Variants in KIAA1549L observed in about 807,000 individuals in gnomAD.
KIAA1549L encodes the protein KIAA1549 like, also known as UPF0606 protein KIAA1549L.
KIAA1549L carries 88 observed loss-of-function variants against 160.7 expected under a neutral mutation model. That is an observed-to-expected ratio of 0.55 (90% CI 0.46 to 0.65). KIAA1549L has a LOEUF of 0.65. Among genes scored for constraint, KIAA1549L ranks in the 30% least tolerant of loss-of-function variants. The pLI is 0.00. For synonymous variants in KIAA1549L, 950 were observed against 976.7 expected, an observed-to-expected ratio of 0.97 and a Z score of 0.51; for missense variants, 2,258 against 2,437.5, an observed-to-expected ratio of 0.93 and a Z score of 1.55.
At position 33,671,135 on chromosome 11, in the gene KIAA1549L, A is replaced by ATGAG. The variant is rs1293990878; in HGVS notation, c.*2983_*2986dup. The ATGAG allele has an allele frequency of 4.6e-5, 7 of 152,242 alleles. No individual in the cohort carries two copies. Among genetic ancestry groups the ATGAG allele is most frequent in the African/African-American group, 1.7e-4 (7 of 41,464 alleles). The allele number at this position is 152,242 out of a possible 1,614,324, so 9.4% of individuals were successfully genotyped here. On this transcript the variant is annotated 3_prime_UTR_variant, in exon 21 of 21. Transcript: ENST00000658780. ...AATAGTTTTCAGTGCTGGTTTTGAT[A>ATGAG]TGAGTTTTCTGCATTCATGAAAAAG... is the stretch of plus-strand genomic sequence containing the variant.
chr11:33,552,044 T>A (rs1854479203), intron 5 of KIAA1549L, 64 bp from the exon 6 acceptor site: 2 of 1,581,154 alleles, frequency 1.3e-6, no homozygotes, highest in Non-Finnish European at 1.7e-6. Flanking sequence ...TTATGACCAC[T>A]GTTAAATCCA....
intron 6 of KIAA1549L, among the ~76,000 whole-genome samples, chr11:33,558,744 T>G (rs1854734200): frequency 6.6e-6 from 1 of 152,184 alleles, no homozygotes; most frequent in African/African-American, 2.4e-5. Flanking sequence ...TCTCATAGGA[T>G]GTTTTACACA....
intron 1 of KIAA1549L, among the ~76,000 whole-genome samples, chr11:33,499,749 T>A (rs186405414): frequency 1.8e-4 from 27 of 152,356 alleles, no homozygotes; most frequent in Middle Eastern, 6.8e-3. Context: ...CATTAGATAC[T>A]CTCTGACCTT....
chr11:33,612,573 C>T (rs916248657), intron 15 of KIAA1549L, among the ~76,000 whole-genome samples: 3 of 151,542 alleles, frequency 2.0e-5, no homozygotes. Context: ...TCTTGCATTG[C>T]TATAAAAAAT....
intron 13 of KIAA1549L, among the ~76,000 whole-genome samples, chr11:33,603,151 T>A (rs915441482): frequency 1.3e-5 from 2 of 151,954 alleles, no homozygotes; most frequent in Non-Finnish European, 2.9e-5. Context: ...GGAAATTGAG[T>A]CATTCATTTC....
chr11:33,614,555 TATATATATATATATATATATATATA>T lies in KIAA1549L; in HGVS notation c.5280-3977_5280-3953del, dbSNP rs1564924767. On this transcript the variant is annotated intron_variant, in intron 15 of 20. Coordinates refer to ENST00000658780, the MANE Select transcript of KIAA1549L (RefSeq NM_012194.3). Reference sequence around the variant, plus strand: ...AGATATATATATATATATATATATATATATATATATATATATATATATATATATATTTTTTTTTTTTTTTTTTTTT... The same window carrying T: ...AGATATATATATATATATATATATATTATATTTTTTTTTTTTTTTTTTTTT... 1.9e-3 allele frequency among the ~76,000 whole-genome samples: 26 copies of T among 14,016 alleles called. 5 individuals are homozygous for T. Among genetic ancestry groups the T allele is most frequent in the African/African-American group, 7.4e-3 (14 of 1,892 alleles). 9.2% of individuals were successfully genotyped at this position (14,016 alleles called of 152,430 possible).
At chr11:33,482,028 G>A (rs1346937310) in intron 1 of KIAA1549L, among the ~76,000 whole-genome samples, 1 of 152,208 alleles carries the variant, frequency 6.6e-6, no homozygotes, top group African/African-American at 2.4e-5. Flanking sequence ...TCTTAACAGA[G>A]TTTTATAACT....
At position 33,553,944 on chromosome 11, in the gene KIAA1549L, G is replaced by A. The variant is rs547770654; in HGVS notation, c.3855+1703G>A. Among the ~76,000 whole-genome samples, 7 of 152,282 alleles carry A rather than the reference G, an allele frequency of 4.6e-5. No individual in the cohort carries two copies. The East Asian group carries it at 7.7e-4, about 17-fold the overall frequency. On this transcript the variant is annotated intron_variant, in intron 6 of 20. Coordinates refer to ENST00000658780, the MANE Select transcript of KIAA1549L (RefSeq NM_012194.3). ...TGGAAAAGATGATAGGAGGTGATTC[G>A]AAGATTACATCTAAATAGATTTTAG...
chr11:33,538,167 C>G (rs1367219701), intron 1 of KIAA1549L, among the ~76,000 whole-genome samples: 2 of 152,138 alleles, frequency 1.3e-5, no homozygotes, highest in African/African-American at 4.8e-5. Context: ...CTTATAAAAC[C>G]AGATCTCGTG....
intron 1 of KIAA1549L, among the ~76,000 whole-genome samples, chr11:33,381,924 A>G (rs768990589): frequency 5.9e-5 from 9 of 152,256 alleles, no homozygotes; most frequent in Admixed American, 1.3e-4. Context: ...TGAAGTTGCC[A>G]TTAATTGAGA....
intron 1 of KIAA1549L, among the ~76,000 whole-genome samples, chr11:33,448,655 A>G (rs1488071572): frequency 6.6e-6 from 1 of 152,190 alleles, no homozygotes; most frequent in Non-Finnish European, 1.5e-5. Context: ...GTTCTTCCTC[A>G]GTGCGGGAAC....
At chr11:33,618,936 C>G (rs905320652) in intron 16 of KIAA1549L, among the ~76,000 whole-genome samples, 1 of 152,074 alleles carries the variant, frequency 6.6e-6, no homozygotes, top group South Asian at 2.1e-4. Flanking sequence ...ATTCTAAATG[C>G]CCTTAATTTA....
At chr11:33,550,557 T>A (rs1448543873) in intron 4 of KIAA1549L, among the ~76,000 whole-genome samples, 1 of 152,192 alleles carries the variant, frequency 6.6e-6, no homozygotes, top group African/African-American at 2.4e-5. Flanking sequence ...TCTGAACAAG[T>A]CTTCTCTCTG....
At chr11:33,490,581 G>C (rs1203454750) in intron 1 of KIAA1549L, among the ~76,000 whole-genome samples, 1 of 152,072 alleles carries the variant, frequency 6.6e-6, no homozygotes, top group Non-Finnish European at 1.5e-5. Flanking sequence ...GGGATTACAG[G>C]CATGAGCTAC....
intron 13 of KIAA1549L, among the ~76,000 whole-genome samples, chr11:33,602,742 C>T (rs1364418007): frequency 6.6e-6 from 1 of 152,208 alleles, no homozygotes; most frequent in East Asian, 1.9e-4. Context: ...TTAAAAATCC[C>T]CATGAACCTG....
intron 18 of KIAA1549L, among the ~76,000 whole-genome samples, chr11:33,656,564 A>G (rs1016757334): frequency 4.6e-5 from 7 of 152,206 alleles, no homozygotes; most frequent in African/African-American, 7.2e-5. Context: ...AGATATCTCA[A>G]TTGCAACACA....
At chr11:33,557,963 A>G (rs956705773) in intron 6 of KIAA1549L, among the ~76,000 whole-genome samples, 5 of 150,568 alleles carry the variant, frequency 3.3e-5, no homozygotes, top group African/African-American at 1.0e-4. Flanking sequence ...CACTTATGGG[A>G]AAAAGTGGGA....
intron 13 of KIAA1549L, 32 bp from the exon 14 acceptor site, chr11:33,606,609 C>G (rs1017628618): frequency 5.0e-6 from 8 of 1,604,804 alleles, no homozygotes; most frequent in Non-Finnish European, 6.8e-6. Flanking sequence ...TCCCCAACAT[C>G]ATAAAATCGA....
At chr11:33,499,069 C>T (rs1379593996) in intron 1 of KIAA1549L, among the ~76,000 whole-genome samples, 1 of 151,928 alleles carries the variant, frequency 6.6e-6, no homozygotes, top group Non-Finnish European at 1.5e-5. Context: ...TGAACCATTG[C>T]ACTGAACAAT....
Sources: gnomAD v4.1 joint callset for allele counts (sites outside exome capture counted in the v4.1 genomes callset) on GRCh38, gnomAD v4.1.1 for gene constraint, MANE v1.5 for transcripts, NCBI Gene and HGNC (gene_info 2026-07-23, HGNC 2026-07-21) for gene names.